The following ATP8B4 variants were observed in gnomAD, a reference collection of about 807,000 sequenced individuals.
The protein encoded by ATP8B4 is ATPase phospholipid transporting 8B4 (putative).
In ATP8B4, 133 loss-of-function variants were observed where a neutral mutation model predicts 145.6. The ratio of observed to expected loss-of-function variants is 0.91; its 90% CI spans 0.79 to 1.05. The LOEUF is 1.05. ATP8B4 is among the 50% of genes least tolerant of loss of function. The pLI, the probability that ATP8B4 is intolerant of heterozygous loss-of-function variation, is 0.00. For synonymous variants in ATP8B4, 507 were observed against 492.9 expected, an observed-to-expected ratio of 1.03 and a Z score of -0.38; for missense variants, 1,458 against 1,425.2, an observed-to-expected ratio of 1.02 and a Z score of -0.37.
intron 1 of ATP8B4, among the ~76,000 whole-genome samples, chr15:50,146,537 A>T (rs2044279392): frequency 6.6e-6 from 1 of 152,242 alleles, no homozygotes; most frequent in South Asian, 2.1e-4. Flanking sequence ...CTGGTAAGGT[A>T]AGTTTGTCTT....
At chr15:50,029,255 A>AAAAAAAAAAAAAAAAC (rs776952913) in intron 6 of ATP8B4, among the ~76,000 whole-genome samples, 3 of 141,268 alleles carry the variant, frequency 2.1e-5, no homozygotes, top group Non-Finnish European at 4.8e-5. Flanking sequence ...AAAAAAAAAA[A>AAAAAAAAAAAAAAAAC]AACAGAAAAA....
chr15:49,987,222 G>A (rs1474474723), intron 10 of ATP8B4, among the ~76,000 whole-genome samples, 169 bp downstream of exon 10: 1 of 152,152 alleles, frequency 6.6e-6, no homozygotes, highest in Non-Finnish European at 1.5e-5. Flanking sequence ...ACTATTTTCA[G>A]AGCAATAGTG....
intron 2 of ATP8B4, among the ~76,000 whole-genome samples, chr15:50,089,538 T>G (rs1164912783): frequency 6.6e-6 from 1 of 152,142 alleles, no homozygotes. Flanking sequence ...CATCACTGAT[T>G]ATTAGAGAAA....
At chr15:49,882,463 A>G (rs918366046) in intron 23 of ATP8B4, among the ~76,000 whole-genome samples, 19 of 152,242 alleles carry the variant, frequency 1.2e-4, no homozygotes, top group African/African-American at 4.6e-4. Context: ...TGGTCATAAT[A>G]GTCCCCAAAC....
intron 1 of ATP8B4, among the ~76,000 whole-genome samples, chr15:50,176,908 A>C (rs549994295): frequency 6.6e-6 from 1 of 152,198 alleles, no homozygotes; most frequent in Non-Finnish European, 1.5e-5. Flanking sequence ...TCTCAGTCTC[A>C]CCTTTTTTTC....
At chr15:50,136,656 G>A (rs1305954447) in intron 1 of ATP8B4, among the ~76,000 whole-genome samples, 1 of 152,194 alleles carries the variant, frequency 6.6e-6, no homozygotes, top group African/African-American at 2.4e-5. Flanking sequence ...TTTACCCTTT[G>A]TGATGTGGTA....
intron 3 of ATP8B4, among the ~76,000 whole-genome samples, chr15:50,070,989 C>T (rs1289698807): frequency 2.0e-5 from 3 of 152,152 alleles, no homozygotes; most frequent in Admixed American, 2.0e-4. Context: ...GATCCACCCA[C>T]CTCGGACTCC....
intron 16 of ATP8B4, among the ~76,000 whole-genome samples, 193 bp downstream of exon 16, chr15:49,930,926 T>C (rs912230172): frequency 2.0e-5 from 3 of 152,086 alleles, no homozygotes; most frequent in African/African-American, 7.2e-5. Flanking sequence ...GCTGGGCACA[T>C]AATGAGCACT....
At chr15:49,899,356 T>A (rs1011366075) in intron 21 of ATP8B4, among the ~76,000 whole-genome samples, 4 of 152,192 alleles carry the variant, frequency 2.6e-5, no homozygotes, top group Non-Finnish European at 1.5e-5. Flanking sequence ...TGTGTGATTA[T>A]CTCACCCACT....
intron 23 of ATP8B4, among the ~76,000 whole-genome samples, chr15:49,893,122 G>C (rs1341132527): frequency 1.3e-5 from 2 of 152,200 alleles, no homozygotes; most frequent in African/African-American, 4.8e-5. Flanking sequence ...ATATACTTTT[G>C]ATTGTAAAGA....
At chr15:50,088,627 C>T (rs2055381538) in intron 2 of ATP8B4, among the ~76,000 whole-genome samples, 1 of 152,182 alleles carries the variant, frequency 6.6e-6, no homozygotes, top group Non-Finnish European at 1.5e-5. Context: ...GCAGCACACT[C>T]CCACCCAATG....
At chr15:50,057,501 TGAA>T (rs1555471659) in intron 3 of ATP8B4, among the ~76,000 whole-genome samples, 1 of 152,228 alleles carries the variant, frequency 6.6e-6, no homozygotes, top group Non-Finnish European at 1.5e-5. Context: ...TTCACTCTGG[TGAA>T]GAACAGAACC....
At chr15:49,956,630 C>G (rs1175048578) in intron 14 of ATP8B4, among the ~76,000 whole-genome samples, 2 of 152,188 alleles carry the variant, frequency 1.3e-5, no homozygotes, top group South Asian at 2.1e-4. Flanking sequence ...CAGCCTGGAA[C>G]TGATGGACTC....
chr15:50,012,873 T>C (rs531484537), intron 6 of ATP8B4, among the ~76,000 whole-genome samples: 1 of 152,226 alleles, frequency 6.6e-6, no homozygotes, highest in African/African-American at 2.4e-5. Flanking sequence ...AGTTTTTACA[T>C]TATCCCCTAT....
intron 4 of ATP8B4, among the ~76,000 whole-genome samples, chr15:50,045,146 G>C (rs2051617179): frequency 6.6e-6 from 1 of 152,168 alleles, no homozygotes; most frequent in Admixed American, 6.5e-5. Context: ...CATTGAGTTA[G>C]ATTCCTACTA....
chr15:49,980,963 G>C (rs2046100028), intron 11 of ATP8B4, among the ~76,000 whole-genome samples: 1 of 152,174 alleles, frequency 6.6e-6, no homozygotes, highest in Non-Finnish European at 1.5e-5. Flanking sequence ...GGGATATGGG[G>C]AATTTGTAAG....
chr15:50,091,895 G>A (rs1316538048), intron 2 of ATP8B4, among the ~76,000 whole-genome samples: 1 of 152,048 alleles, frequency 6.6e-6, no homozygotes, highest in African/African-American at 2.4e-5. Context: ...TAAGAATAAC[G>A]ATAAATGCTA....
chr15:49,996,897 C>A (rs72734852), intron 8 of ATP8B4, 138 bp from the exon 9 acceptor site: 46,488 of 609,818 alleles, frequency 0.076, 2,259 homozygotes, highest in Middle Eastern at 0.1. Context: ...GTCATTCACA[C>A]TTCGCTCACT....
At chr15:49,874,018 G>C (rs892473087) in intron 25 of ATP8B4, among the ~76,000 whole-genome samples, 23 of 152,264 alleles carry the variant, frequency 1.5e-4, no homozygotes, top group African/African-American at 4.6e-4. Context: ...GTTATGACAG[G>C]ATCAGTAGCA....
Sources: allele counts gnomAD v4.1 joint callset (sites outside exome capture counted in the v4.1 genomes callset), GRCh38; gene constraint gnomAD v4.1.1; transcripts MANE v1.5; gene names NCBI Gene and HGNC (gene_info 2026-07-23, HGNC 2026-07-21).